VPS50: variants seen among roughly 807,000 people sequenced by gnomAD.
VPS50 encodes syndetin.
Under a neutral mutation model 139.7 loss-of-function variants are expected in VPS50, and 70 were observed. The observed-to-expected ratio is 0.50, with a 90% CI of 0.41 to 0.61. The LOEUF (loss-of-function observed/expected upper bound fraction) is 0.61. VPS50 is among the 20% of genes least tolerant of loss of function. The pLI, the probability that VPS50 is intolerant of heterozygous loss-of-function variation, is 0.00. For synonymous variants in VPS50, 365 were observed against 376.7 expected, an observed-to-expected ratio of 0.97 and a Z score of 0.36; for missense variants, 921 against 1,133.7, an observed-to-expected ratio of 0.81 and a Z score of 2.69.
intron 18 of VPS50, among the ~76,000 whole-genome samples, chr7:93,308,316 T>C (rs1797173771): frequency 1.3e-5 from 2 of 151,942 alleles, no homozygotes; most frequent in Admixed American, 1.3e-4. Context: ...AGCAGGTCCC[T>C]GTGTTCTAAG....
chr7:93,235,966 A>G (rs772222907), intron 1 of VPS50, among the ~76,000 whole-genome samples: 20 of 152,316 alleles, frequency 1.3e-4, no homozygotes, highest in Non-Finnish European at 2.4e-4. Context: ...TTAAAAACTC[A>G]GGGGGAAGTG....
chr7:93,330,691 C>T (rs558566705), intron 21 of VPS50, among the ~76,000 whole-genome samples: 5 of 139,832 alleles, frequency 3.6e-5, no homozygotes, highest in Non-Finnish European at 7.5e-5. Flanking sequence ...GAGGTCGAGG[C>T]TGCAGTGAGC....
chr7:93,314,376 T>C lies in VPS50; in HGVS notation c.1855+3104T>C, dbSNP rs1328914962. Among the ~76,000 whole-genome samples the C allele has an allele frequency of 2.0e-5, 3 of 152,292 alleles. No individual in the cohort carries two copies. The East Asian group carries it at 5.8e-4, about 29-fold the overall frequency. ...GGGCTTCCTTACCCCAGGTGGTAAC[T>C]AAATTTATTAGAAAGGCTCAGGGAG... On this transcript the variant is annotated intron_variant, in intron 20 of 27. Transcript: ENST00000305866.
At chr7:93,236,937 CTTTTTTT>C (rs71107889) in intron 1 of VPS50, among the ~76,000 whole-genome samples, 11 of 31,060 alleles carry the variant, frequency 3.5e-4, no homozygotes, top group Admixed American at 5.1e-4. Context: ...TCTTTTACTT[CTTTTTTT>C]TTTTTTTTTT....
intron 21 of VPS50, among the ~76,000 whole-genome samples, chr7:93,331,358 A>G (rs1038168514): frequency 6.6e-6 from 1 of 152,154 alleles, no homozygotes; most frequent in Non-Finnish European, 1.5e-5. Flanking sequence ...TGATTTCACA[A>G]AGACTTACTC....
At chr7:93,344,509 A>C (rs866721517) in intron 23 of VPS50, among the ~76,000 whole-genome samples, 7 of 152,136 alleles carry the variant, frequency 4.6e-5, no homozygotes, top group African/African-American at 1.2e-4. Context: ...ACTCTCCACC[A>C]CAAATCAACA....
intron 12 of VPS50, among the ~76,000 whole-genome samples, chr7:93,290,824 A>G (rs950629317): frequency 2.0e-5 from 3 of 152,026 alleles, no homozygotes; most frequent in Non-Finnish European, 4.4e-5. Context: ...GCCTTTTGAA[A>G]GAGCAAGGAC....
At chr7:93,279,643 CAAG>C (rs1383862498) in intron 12 of VPS50, among the ~76,000 whole-genome samples, 2 of 152,094 alleles carry the variant, frequency 1.3e-5, no homozygotes, top group African/African-American at 4.8e-5. Flanking sequence ...ATCAGGTGAG[CAAG>C]AAGCAGGAGA....
At chr7:93,284,535 T>C (rs774005426) in intron 12 of VPS50, among the ~76,000 whole-genome samples, 21 of 152,250 alleles carry the variant, frequency 1.4e-4, no homozygotes, top group South Asian at 4.1e-4. Context: ...ACATATTACA[T>C]GTCTTATGTG....
intron 21 of VPS50, among the ~76,000 whole-genome samples, chr7:93,331,916 G>A (rs923675660): frequency 6.6e-6 from 1 of 152,158 alleles, no homozygotes; most frequent in Non-Finnish European, 1.5e-5. Flanking sequence ...ATTTTATCAG[G>A]TATCTGCACT....
At chr7:93,297,054 A>C in intron 15 of VPS50, 91 bp from the exon 16 acceptor site, 1 of 1,482,062 alleles carries the variant, frequency 6.7e-7, no homozygotes, top group Non-Finnish European at 8.9e-7. Flanking sequence ...AATTTTAGTG[A>C]TTTTTTTTAT....
rs549768202 is a variant in VPS50 at position 93,341,524 on chromosome 7, C to G, written c.2156C>G (p.Ser719Cys). ...PHLSHLVVLT[S>C]GDTLYGLAER... ...CTCAGTCACCTAGTGGTTTTGACAT[C>G]TGGGGATACGCTGTATGGGTTGGCA... The change falls in exon 23 of 28, where the codon TCT (serine) becomes TGT (cysteine). Residue 719 changes from serine to cysteine, a missense_variant. Physicochemically the swap from Ser to Cys is moderately radical, Grantham distance 112 (BLOSUM62 -1). Around this residue, in one of 3 missense-constraint regions of VPS50, gnomAD observed 744 missense variants for 930.6 expected, o/e 0.80. Transcript: ENST00000305866. The G allele has an allele frequency of 6.2e-7, 1 of 1,612,194 alleles. No homozygotes were observed. Among genetic ancestry groups the G allele is most frequent in the East Asian group, 2.2e-5 (1 of 44,824 alleles).
chr7:93,246,470 C>A (rs1795159146), intron 2 of VPS50, among the ~76,000 whole-genome samples: 1 of 151,676 alleles, frequency 6.6e-6, no homozygotes, highest in South Asian at 2.1e-4. Context: ...GTTTTGAAAT[C>A]TGACCTGTGA....
rs183764682 is a variant in VPS50, at chr7:93,303,428, A to T, written c.1362-32A>T. Reference sequence around the variant, plus strand: ...TTGTGTGCGGTGTACTTTTCTTCTCACTTTTTGGAGTGTTCATTTTCTTTT... The same window carrying T: ...TTGTGTGCGGTGTACTTTTCTTCTCTCTTTTTGGAGTGTTCATTTTCTTTT... On this transcript the variant is annotated intron_variant, in intron 16 of 27. Transcript: ENST00000305866. 44 of 974,658 alleles carry T rather than the reference A, an allele frequency of 4.5e-5. No individual in the cohort carries two copies. The African/African-American group carries it at 6.8e-4, about 15-fold the overall frequency. 60.4% of individuals were successfully genotyped at this position (974,658 alleles called of 1,614,324 possible).
chr7:93,249,864 T>C (rs1457744460), intron 2 of VPS50, among the ~76,000 whole-genome samples: 1 of 152,168 alleles, frequency 6.6e-6, no homozygotes, highest in Non-Finnish European at 1.5e-5. Context: ...GGAGGCTGCC[T>C]GTTGATAGGC....
intron 26 of VPS50, among the ~76,000 whole-genome samples, chr7:93,355,431 A>G (rs1376429215): frequency 6.6e-6 from 1 of 152,082 alleles, no homozygotes; most frequent in Non-Finnish European, 1.5e-5. Context: ...ACATTTCTTT[A>G]TGTTTTCAGA....
chr7:93,276,146 C>T lies in VPS50; in HGVS notation c.802-19C>T, dbSNP rs755028267. On this transcript the variant is annotated intron_variant, in intron 11 of 27. Transcript: ENST00000305866. ...TTTAATAATGTGAAATTATGTTGTG[C>T]GTTTTTTTCTTTCCACAGACAGCAA... 1.1e-5 allele frequency: 17 copies of T among 1,534,014 alleles called. No individual in the cohort carries two copies. The highest frequency in any genetic ancestry group is 1.8e-4 in the Middle Eastern group (1 of 5,708).
intron 25 of VPS50, among the ~76,000 whole-genome samples, chr7:93,352,734 A>G (rs1798594372): frequency 6.6e-6 from 1 of 152,182 alleles, no homozygotes; most frequent in African/African-American, 2.4e-5. Flanking sequence ...CTTTCCGTCT[A>G]ATTATTGGAG....
chr7:93,258,033 G>A lies in VPS50; in HGVS notation c.423-126G>A, dbSNP rs1460901880. 5.1e-6 allele frequency: 3 copies of A among 586,750 alleles called. No individual in the cohort carries two copies. The East Asian group carries it at 8.5e-5, about 17-fold the overall frequency. 36.3% of individuals were successfully genotyped at this position (586,750 alleles called of 1,614,324 possible). ...GGCCATTGAGTACATTTGTCAAATAGTAGTTTAAATCCTTGGTTTTAATAG... is the reference window on the plus strand; with the variant it reads ...GGCCATTGAGTACATTTGTCAAATAATAGTTTAAATCCTTGGTTTTAATAG... On this transcript the variant is annotated intron_variant, in intron 6 of 27. Coordinates refer to ENST00000305866, the MANE Select transcript of VPS50 (RefSeq NM_017667.4).
Sources: allele counts gnomAD v4.1 joint callset (sites outside exome capture counted in the v4.1 genomes callset), GRCh38; gene constraint gnomAD v4.1.1; regional missense constraint gnomAD v4.1.1; transcripts MANE v1.5; gene names NCBI Gene and HGNC (gene_info 2026-07-23, HGNC 2026-07-21).